The following COPS7A variants were observed in gnomAD, a reference collection of about 807,000 sequenced individuals.
The protein encoded by COPS7A is COP9 signalosome subunit 7A.
Under a neutral mutation model 35.2 loss-of-function variants are expected in COPS7A, and 20 were observed. That is an observed-to-expected ratio of 0.57 (90% CI 0.40 to 0.83). The LOEUF (loss-of-function observed/expected upper bound fraction) is 0.83, where lower values mean the gene tolerates loss of function less well. Ranked by LOEUF, COPS7A falls within the 40% of genes least tolerant of loss-of-function variation. The pLI is 0.00. For synonymous variants in COPS7A, 139 were observed against 141.4 expected, an observed-to-expected ratio of 0.98 and a Z score of 0.12; for missense variants, 247 against 347.5, an observed-to-expected ratio of 0.71 and a Z score of 2.30.
At chr12:6,725,999 G>A (rs934569759) in intron 2 of COPS7A, 3 of 434,778 alleles carry the variant, frequency 6.9e-6, no homozygotes, top group African/African-American at 6.1e-5. Context: ...AAACCGATAT[G>A]GCAGAATCCT....
rs753645445 is a variant in COPS7A, at chr12:6,731,033, G to A, written c.822G>A (p.Ser274=). The A allele has an allele frequency of 1.6e-5, 26 of 1,613,840 alleles. No homozygotes were observed. Among genetic ancestry groups the A allele is most frequent in the South Asian group, 1.2e-4 (11 of 91,078 alleles). ...LRGSAKIWSK[S]N ...GGAGCGCCAAGATTTGGTCCAAGTCGAATTGAAAGGACTGTCGTTTCCTCC... is the reference window on the plus strand; with the variant it reads ...GGAGCGCCAAGATTTGGTCCAAGTCAAATTGAAAGGACTGTCGTTTCCTCC... The change falls in exon 8 of 8, where the codon TCG becomes TCA. Residue 274 remains serine (S), a synonymous_variant. Coordinates refer to ENST00000543155, the MANE Select transcript of COPS7A (RefSeq NM_001164094.2).
Position 6,729,333 on chromosome 12 carries a change from T to C in COPS7A, c.414T>C (p.Ala138=). ...LEDLVIEAVY[A]DVLRGSLDQR... ...ACCTTGTGATTGAGGCTGTGTATGC[T>C]GACGTGCTTCGTGGCTCCCTGGACC... The change falls in exon 5 of 8, where the codon GCT becomes GCC. Residue 138 remains alanine, a synonymous_variant. Coordinates refer to ENST00000543155, the MANE Select transcript of COPS7A (RefSeq NM_001164094.2). This position sits in a 1 kb window ranked among gnomAD's most constrained non-coding sequence, Gnocchi z 4.2. 6.8e-6 allele frequency: 11 copies of C among 1,614,188 alleles called. No homozygotes were observed. The highest frequency in any genetic ancestry group is 8.5e-6 in the Non-Finnish European group (10 of 1,180,034).
At position 6,729,377 on chromosome 12, in the gene COPS7A, A is replaced by C. The variant is rs1592471730; in HGVS notation, c.458A>C (p.Glu153Ala). The change falls in exon 5 of 8, where the codon GAG becomes GCG. Residue 153 changes from glutamate (E) to alanine (A), a missense_variant. Coordinates refer to ENST00000543155, the MANE Select transcript of COPS7A (RefSeq NM_001164094.2). This position sits in a 1 kb window ranked among gnomAD's most constrained non-coding sequence, Gnocchi z 4.2. ...GSLDQRNQRL[E>A]VDYSIGRDIQ... ...CTGGACCAGCGCAACCAGCGGCTCG[A>C]GGTTGACTACAGCATCGGGCGGGAC... 6.2e-7 allele frequency: 1 copy of C among 1,614,116 alleles called. No homozygotes were observed. Among genetic ancestry groups the C allele is most frequent in the Non-Finnish European group, 8.5e-7 (1 of 1,180,024 alleles).
At chr12:6,727,620 G>A in intron 2 of COPS7A, 1 of 525,162 alleles carries the variant, frequency 1.9e-6, no homozygotes, top group Non-Finnish European at 3.7e-6. Flanking sequence ...AGTGTCTGGT[G>A]TGTATGTCTG....
intron 2 of COPS7A, 56 bp from the exon 3 acceptor site, chr12:6,727,870 C>A: frequency 6.5e-7 from 1 of 1,547,352 alleles, no homozygotes; most frequent in Non-Finnish European, 8.9e-7. Flanking sequence ...CAGGGTAAGG[C>A]TGGGAGGGTG....
chr12:6,729,946 C>T lies in COPS7A; in HGVS notation c.531-456C>T, dbSNP rs1358289131. 6.6e-6 allele frequency among the ~76,000 whole-genome samples: 1 copy of T among 152,138 alleles called. No homozygotes were observed. Among genetic ancestry groups the T allele is most frequent in the Non-Finnish European group, 1.5e-5 (1 of 68,032 alleles). ...CTTCCTTATCCCTCTCTGACCACAC[C>T]GAGTGTCCATCCCACTGCTAGGAGT... On this transcript the variant is annotated intron_variant, in intron 5 of 7. Transcript: ENST00000543155. This position sits in a 1 kb window ranked among gnomAD's most constrained non-coding sequence, Gnocchi z 4.2.
At position 6,727,919 on chromosome 12, in the gene COPS7A, C is replaced by T; in HGVS notation, c.163-7C>T. ...TCCCGTCACCTCCTTTTTCCTCATT[C>T]TCGCAGCTGGCTGAGAGTGACTTTG... On this transcript the variant is annotated splice_region_variant and splice_polypyrimidine_tract_variant and intron_variant, in intron 2 of 7. Transcript: ENST00000543155. The T allele has an allele frequency of 6.2e-7, 1 of 1,614,100 alleles. No homozygotes were observed. The highest frequency in any genetic ancestry group is 8.5e-7 in the Non-Finnish European group (1 of 1,179,980).
At chr12:6,730,909 G>T (rs925546788) in intron 7 of COPS7A, 89 bp downstream of exon 7, 31 of 1,590,568 alleles carry the variant, frequency 1.9e-5, no homozygotes, top group Non-Finnish European at 2.5e-5. Context: ...TCAGTTATTT[G>T]CATGGGAGTA....
intron 2 of COPS7A, chr12:6,725,919 G>C: frequency 4.4e-6 from 2 of 455,724 alleles, no homozygotes; most frequent in Middle Eastern, 3.3e-4. Flanking sequence ...GGCTGGGTGC[G>C]GTGGCTCATG....
rs779847259 is a variant in COPS7A at position 6,728,314 on chromosome 12, G to A, written c.327+3G>A. ...TCACCCTGGCTGCTAAAGTAAAGGT[G>A]AGTGGCAGTCCCCCAGTCCTACGGT... On this transcript the variant is annotated splice_donor_region_variant and intron_variant, in intron 4 of 7. Coordinates refer to ENST00000543155, the MANE Select transcript of COPS7A (RefSeq NM_001164094.2). 1.2e-6 allele frequency: 2 copies of A among 1,612,844 alleles called. No homozygotes were observed. The highest frequency in any genetic ancestry group is 4.5e-5 in the East Asian group (2 of 44,868).
rs766289197 is a variant in COPS7A, at chr12:6,729,212, C to T, written c.328-35C>T. 2.6e-5 allele frequency: 42 copies of T among 1,609,258 alleles called. No individual in the cohort carries two copies. Among genetic ancestry groups the T allele is most frequent in the Admixed American group, 8.3e-5 (5 of 59,964 alleles). On this transcript the variant is annotated intron_variant, in intron 4 of 7. Coordinates refer to ENST00000543155, the MANE Select transcript of COPS7A (RefSeq NM_001164094.2). This position sits in a 1 kb window ranked among gnomAD's most constrained non-coding sequence, Gnocchi z 4.2. The stretch of plus-strand genomic sequence containing the variant: ...TTGGAAGCCCTTCTCTACTACGGAG[C>T]GTCACAAATCCTGGCCTGATCTCCG...
chr12:6,725,902 A>T lies in COPS7A; in HGVS notation c.162+1084A>T, dbSNP rs7487866. The T allele has an allele frequency of 2.7e-3, 1,226 of 455,556 alleles. 12 individuals carry two copies. Among genetic ancestry groups the T allele is most frequent in the African/African-American group, 0.022 (1,088 of 50,016 alleles). The allele number at this position is 455,556 out of a possible 1,614,324, so 28.2% of individuals were successfully genotyped here. ...GTATCAATCAAAGTGATGAAAAAGA[A>T]GCACTTGGCTGGGTGCGGTGGCTCA... On this transcript the variant is annotated intron_variant, in intron 2 of 7. Transcript: ENST00000543155.
In COPS7A at chr12:6,729,152, G is replaced by A. The variant is rs989382254; in HGVS notation, c.328-95G>A. 6 of 1,258,678 alleles carry A rather than the reference G, an allele frequency of 4.8e-6. No homozygotes were observed. Among genetic ancestry groups the A allele is most frequent in the Admixed American group, 3.5e-5 (2 of 57,692 alleles). 78.0% of individuals were successfully genotyped at this position (1,258,678 alleles called of 1,614,324 possible). On this transcript the variant is annotated intron_variant, in intron 4 of 7. Transcript: ENST00000543155. The surrounding 1 kb of genome is among the most constrained non-coding windows in gnomAD (Gnocchi z 4.2). The stretch of plus-strand genomic sequence containing the variant: ...ATTTAGGAATGGGAGTGGAGGGCAG[G>A]TGGGCTAGGGCAGGGGGAAAAGGAG...
chr12:6,727,826 C>A, intron 2 of COPS7A, 100 bp from the exon 3 acceptor site: 1 of 1,081,140 alleles, frequency 9.2e-7, no homozygotes, highest in Non-Finnish European at 1.4e-6. Flanking sequence ...TAACATTGGC[C>A]GGGAAAGATG....
Position 6,724,780 on chromosome 12 carries a change from G to A in COPS7A, c.124G>A (p.Val42Met). ...HQVLEAPGVY[V>M]FGELLDMPNV... is the part of the protein sequence containing the mutation. ...GGTGCTGGAGGCCCCTGGTGTCTAC[G>A]TGTTTGGAGAACTGCTGGACATGCC... The change falls in exon 2 of 8, where the codon GTG becomes ATG. Residue 42 changes from valine to methionine, a missense_variant. By Grantham distance (21) the Val-to-Met change is conservative. Transcript: ENST00000543155. The A allele has an allele frequency of 6.2e-7, 1 of 1,614,174 alleles. No individual in the cohort carries two copies. Among genetic ancestry groups the A allele is most frequent in the Non-Finnish European group, 8.5e-7 (1 of 1,180,042 alleles).
chr12:6,729,533 C>A lies in COPS7A; in HGVS notation c.530+84C>A. 1 of 1,415,370 alleles carries A rather than the reference C, an allele frequency of 7.1e-7. No individual in the cohort carries two copies. Among genetic ancestry groups the A allele is most frequent in the East Asian group, 2.4e-5 (1 of 40,954 alleles). The allele number at this position is 1,415,370 out of a possible 1,614,324, so 87.7% of individuals were successfully genotyped here. A position where few individuals can be genotyped will look rare whatever the true frequency, so the allele number is the denominator to read the frequency against. On this transcript the variant is annotated intron_variant, in intron 5 of 7. Coordinates refer to ENST00000543155, the MANE Select transcript of COPS7A (RefSeq NM_001164094.2). This position sits in a 1 kb window ranked among gnomAD's most constrained non-coding sequence, Gnocchi z 4.2. ...AGGGTGAGAGAGGGCAGGAGCTGGG[C>A]TGGTCCGCAGAGGTGGAACCCAAGA...
chr12:6,729,344 G>T lies in COPS7A; in HGVS notation c.425G>T (p.Arg142Leu). 1 of 1,614,150 alleles carries T rather than the reference G, an allele frequency of 6.2e-7. No homozygotes were observed. Among genetic ancestry groups the T allele is most frequent in the Non-Finnish European group, 8.5e-7 (1 of 1,180,020 alleles). Residue 142 changes from arginine (R) to leucine (L), a missense_variant, in exon 5 of 8, where the codon CGT becomes CTT. Transcript: ENST00000543155. The surrounding 1 kb of genome is among the most constrained non-coding windows in gnomAD (Gnocchi z 4.2). ...GAGGCTGTGTATGCTGACGTGCTTC[G>T]TGGCTCCCTGGACCAGCGCAACCAG... The part of the protein sequence containing the change: ...VIEAVYADVL[R>L]GSLDQRNQRL...
rs189476723 is a variant in COPS7A at position 6,726,096 on chromosome 12, T to C, written c.162+1278T>C. The stretch of plus-strand genomic sequence containing the variant: ...TTGGGAGGCTGAGGTGGGCGGATCA[T>C]GAGGTCAGGAGATGGAGACCATCCT... On this transcript the variant is annotated intron_variant, in intron 2 of 7. Transcript: ENST00000543155. The C allele has an allele frequency of 1.8e-3, 657 of 356,990 alleles. 4 individuals carry two copies. The highest frequency in any genetic ancestry group is 0.013 in the African/African-American group (587 of 46,846). 22.1% of individuals were successfully genotyped at this position (356,990 alleles called of 1,614,324 possible). A position where few individuals can be genotyped will look rare whatever the true frequency, so the allele number is the denominator to read the frequency against.
At chr12:6,724,251 G>A in intron 1 of COPS7A, 72 bp downstream of exon 1, 2 of 338,210 alleles carry the variant, frequency 5.9e-6, no homozygotes, top group Non-Finnish European at 1.2e-5. Flanking sequence ...GGAGCCACGT[G>A]TAAGCTTCAA....
Sources: allele counts gnomAD v4.1 joint callset (sites outside exome capture counted in the v4.1 genomes callset), GRCh38; gene constraint gnomAD v4.1.1; non-coding constraint Gnocchi (gnomAD v3.1); transcripts MANE v1.5; gene names NCBI Gene and HGNC (gene_info 2026-07-23, HGNC 2026-07-21).